Variants in INPP1 observed in about 807,000 individuals in gnomAD.
The protein encoded by INPP1 is inositol polyphosphate-1-phosphatase, also known as inositol polyphosphate 1-phosphatase.
Under a neutral mutation model 23.0 loss-of-function variants are expected in INPP1, and 18 were observed. The observed-to-expected ratio is 0.78, with a 90% CI of 0.54 to 1.16. The LOEUF (loss-of-function observed/expected upper bound fraction) is 1.16, where lower values mean the gene tolerates loss of function less well. INPP1 is among the 50% of genes most tolerant of loss of function. INPP1 has a pLI of 0.00. For missense variants in INPP1, 448 were observed against 482.1 expected, an observed-to-expected ratio of 0.93 and a Z score of 0.66; for synonymous variants, 164 against 176.3, an observed-to-expected ratio of 0.93 and a Z score of 0.55.
chr2:190,350,012 T>C (rs999112667), intron 2 of INPP1, among the ~76,000 whole-genome samples: 3 of 152,154 alleles, frequency 2.0e-5, no homozygotes, highest in Admixed American at 2.0e-4. Flanking sequence ...GCCTGGCTAA[T>C]TTTTGTATTT....
intron 1 of INPP1, among the ~76,000 whole-genome samples, chr2:190,347,537 G>A (rs932924954): frequency 6.6e-6 from 1 of 151,452 alleles, no homozygotes; most frequent in Admixed American, 6.6e-5. Flanking sequence ...TCCTTTTTTG[G>A]GGGGGGATGG....
At chr2:190,344,386 T>A (rs1689177278) in intron 1 of INPP1, among the ~76,000 whole-genome samples, 1 of 152,232 alleles carries the variant, frequency 6.6e-6, no homozygotes, top group African/African-American at 2.4e-5. Context: ...AACAGGTAGA[T>A]GGCGCAGCTG....
chr2:190,363,724 T>C lies in INPP1; in HGVS notation c.265+1037T>C, dbSNP rs960384522. Among the ~76,000 whole-genome samples, 1 of 152,184 alleles carries C rather than the reference T, an allele frequency of 6.6e-6. No individual in the cohort carries two copies. The highest frequency in any genetic ancestry group is 1.5e-5 in the Non-Finnish European group (1 of 68,030). ...AAGAAATCTTTTAAACCTCTGAAGG[T>C]TAAAAATAACACTTATGCCTGACTT... is the stretch of plus-strand genomic sequence containing the variant. On this transcript the variant is annotated intron_variant, in intron 4 of 6. Coordinates refer to ENST00000392329, the MANE Select transcript of INPP1 (RefSeq NM_001128928.2). The surrounding 1 kb of genome is among the most constrained non-coding windows in gnomAD (Gnocchi z 4.4).
At chr2:190,347,007 CTTTTTTTTTTT>C (rs1214998960) in intron 1 of INPP1, among the ~76,000 whole-genome samples, 1 of 116,042 alleles carries the variant, frequency 8.6e-6, no homozygotes, top group Non-Finnish European at 1.8e-5. Context: ...TTATTAGTAG[CTTTTTTTTTTT>C]TTTTTTTTTT....
chr2:190,370,190 T>C (rs1689772761), intron 6 of INPP1, among the ~76,000 whole-genome samples: 1 of 152,240 alleles, frequency 6.6e-6, no homozygotes, highest in Admixed American at 6.5e-5. Context: ...AGTGAGACTT[T>C]GTGGGTTTGA....
chr2:190,371,075 T>C lies in INPP1; in HGVS notation c.873T>C (p.Gly291=). 1 of 1,614,082 alleles carries C rather than the reference T, an allele frequency of 6.2e-7. No individual in the cohort carries two copies. The change falls in exon 7 of 7, where the codon GGT becomes GGC. Residue 291 remains glycine (G), a synonymous_variant. Coordinates refer to ENST00000392329, the MANE Select transcript of INPP1 (RefSeq NM_001128928.2). The surrounding 1 kb of genome is among the most constrained non-coding windows in gnomAD (Gnocchi z 5.3). ...GDRIFGAAGA[G]YKSLCVVQGL... is the part of the protein sequence containing the mutation. ...GCATATTTGGGGCAGCTGGGGCTGG[T>C]TATAAGAGCCTATGTGTTGTCCAAG...
chr2:190,359,793 T>A (rs1689499853), intron 2 of INPP1: 1 of 304,074 alleles, frequency 3.3e-6, no homozygotes, highest in Non-Finnish European at 6.3e-6. Context: ...AAGATTTTTC[T>A]GTCACTGAGA....
At chr2:190,350,895 C>T (rs1213856351) in intron 2 of INPP1, among the ~76,000 whole-genome samples, 1 of 152,146 alleles carries the variant, frequency 6.6e-6, no homozygotes, top group African/African-American at 2.4e-5. Flanking sequence ...TTTGGTGCTC[C>T]AAAAATGTGG....
At chr2:190,349,945 A>G (rs1049299209) in intron 2 of INPP1, among the ~76,000 whole-genome samples, 1 of 152,188 alleles carries the variant, frequency 6.6e-6, no homozygotes, top group Non-Finnish European at 1.5e-5. Context: ...CCCAGGCTCA[A>G]GTGATTCTCC....
chr2:190,369,079 A>G (rs558627848), intron 5 of INPP1, 24 bp from the exon 6 acceptor site: 2 of 1,480,940 alleles, frequency 1.4e-6, no homozygotes, highest in South Asian at 1.3e-5. Context: ...ACCTGAATCC[A>G]AACACATTTG....
At position 190,371,049 on chromosome 2, in the gene INPP1, C is replaced by T. The variant is rs577408029; in HGVS notation, c.847C>T (p.Arg283Cys). ...TGCATTGTCACGTGTGTGTGGAGATCGCATATTTGGGGCAGCTGGGGCTGG... is the reference window on the plus strand; with the variant it reads ...TGCATTGTCACGTGTGTGTGGAGATTGCATATTTGGGGCAGCTGGGGCTGG... Reference protein sequence around the residue: ...KAALSRVCGDRIFGAAGAGYK... With the variant: ...KAALSRVCGDCIFGAAGAGYK... The change falls in exon 7 of 7, where the codon CGC becomes TGC. Residue 283 changes from arginine (R) to cysteine (C), a missense_variant. Physicochemically the swap from Arg to Cys is radical, Grantham distance 180. Coordinates refer to ENST00000392329, the MANE Select transcript of INPP1 (RefSeq NM_001128928.2). This position sits in a 1 kb window ranked among gnomAD's most constrained non-coding sequence, Gnocchi z 5.3. The T allele has an allele frequency of 2.8e-5, 45 of 1,614,122 alleles. 1 individual carries two copies. The East Asian group carries it at 4.0e-4, about 14-fold the overall frequency.
Position 190,371,047 on chromosome 2 carries a change from A to T in INPP1, c.845A>T (p.Asp282Val). ...IKAALSRVCG[D>V]RIFGAAGAGY... ...GCTGCATTGTCACGTGTGTGTGGAG[A>T]TCGCATATTTGGGGCAGCTGGGGCT... The change falls in exon 7 of 7, where the codon GAT (aspartate) becomes GTT (valine). Residue 282 changes from aspartate (D) to valine (V), a missense_variant. Transcript: ENST00000392329. The surrounding 1 kb of genome is among the most constrained non-coding windows in gnomAD (Gnocchi z 5.3). The T allele has an allele frequency of 1.9e-6, 3 of 1,614,208 alleles. No homozygotes were observed. The highest frequency in any genetic ancestry group is 2.5e-6 in the Non-Finnish European group (3 of 1,180,034).
chr2:190,370,788 T>G (rs1186944302), intron 6 of INPP1, 56 bp from the exon 7 acceptor site: 1 of 1,247,186 alleles, frequency 8.0e-7, no homozygotes, highest in Admixed American at 2.2e-5. Context: ...GAAAGTGACA[T>G]GAGTAATGAA....
chr2:190,364,299 G>C (rs866512371), intron 4 of INPP1, among the ~76,000 whole-genome samples: 58 of 152,178 alleles, frequency 3.8e-4, no homozygotes, highest in Middle Eastern at 6.8e-3. Context: ...CAGCACTTTG[G>C]GAGGCCAGGG....
intron 3 of INPP1, 44 bp from the exon 4 acceptor site, chr2:190,362,583 T>C: frequency 8.3e-7 from 1 of 1,198,266 alleles, no homozygotes; most frequent in Non-Finnish European, 1.2e-6. Context: ...TGAGCATATG[T>C]GTGGGTTTTT....
chr2:190,361,865 C>A (rs192541948), intron 3 of INPP1, among the ~76,000 whole-genome samples: 1 of 152,056 alleles, frequency 6.6e-6, no homozygotes, highest in African/African-American at 2.4e-5. Context: ...TGCAAATGAC[C>A]GAGTTCAAAT....
chr2:190,368,021 T>C lies in INPP1; in HGVS notation c.467-1082T>C, dbSNP rs1300995885. ...GGGCCCTTCCCATCCTACAAGTGCATTCACAGGATGATACTGAAATGGGTT... is the reference window on the plus strand; with the variant it reads ...GGGCCCTTCCCATCCTACAAGTGCACTCACAGGATGATACTGAAATGGGTT... On this transcript the variant is annotated intron_variant, in intron 5 of 6. Transcript: ENST00000392329. The surrounding 1 kb of genome is among the most constrained non-coding windows in gnomAD (Gnocchi z 4.3). Among the ~76,000 whole-genome samples the C allele has an allele frequency of 1.3e-5, 2 of 152,182 alleles. No homozygotes were observed. Among genetic ancestry groups the C allele is most frequent in the African/African-American group, 4.8e-5 (2 of 41,432 alleles).
chr2:190,360,143 A>G lies in INPP1; in HGVS notation c.41A>G (p.Lys14Arg). 1 of 1,613,974 alleles carries G rather than the reference A, an allele frequency of 6.2e-7. No homozygotes were observed. The highest frequency in any genetic ancestry group is 1.1e-5 in the South Asian group (1 of 91,072). Residue 14 changes from lysine (K) to arginine (R), a missense_variant, in exon 3 of 7, where the codon AAG becomes AGG. Lys to Arg is a conservative substitution (Grantham distance 26). Transcript: ENST00000392329. ...ILRELLCVSEKAANIARACRQ... is the reference protein window; with the variant it reads ...ILRELLCVSERAANIARACRQ... Reference sequence around the variant, plus strand: ...CGGGAGCTGCTCTGTGTCTCTGAGAAGGCTGCTAACATTGCCCGGGCGTGC... The same window carrying G: ...CGGGAGCTGCTCTGTGTCTCTGAGAGGGCTGCTAACATTGCCCGGGCGTGC...
intron 3 of INPP1, among the ~76,000 whole-genome samples, chr2:190,360,632 A>G (rs1689517113): frequency 6.6e-6 from 1 of 152,242 alleles, no homozygotes; most frequent in Admixed American, 6.5e-5. Flanking sequence ...CTGGAAAATA[A>G]GCAAAAATAA....
Sources: allele counts gnomAD v4.1 joint callset (sites outside exome capture counted in the v4.1 genomes callset), GRCh38; gene constraint gnomAD v4.1.1; non-coding constraint Gnocchi (gnomAD v3.1); transcripts MANE v1.5; gene names NCBI Gene and HGNC (gene_info 2026-07-23, HGNC 2026-07-21).